Variants in DMD observed in about 807,000 individuals in gnomAD.
DMD encodes the protein mutant dystrophin.
In DMD, 63 loss-of-function variants were observed where a neutral mutation model predicts 330.1. The ratio of observed to expected loss-of-function variants is 0.19; its 90% CI spans 0.16 to 0.24. DMD has a LOEUF of 0.24. DMD is among the 10% of genes least tolerant of loss of function. DMD has a pLI of 1.00. For missense variants in DMD, 3,344 were observed against 2,684.1 expected (o/e 1.25, Z -5.43); for synonymous variants, 1,223 against 959.8 (o/e 1.27, Z -5.07).
intron 9 of DMD, among the ~76,000 whole-genome samples, chrX:32,662,679 C>T (rs2061023205): frequency 1.8e-5 from 2 of 111,726 alleles, no homozygotes; most frequent in Admixed American, 1.9e-4. Context: ...TACAGATTAT[C>T]TGGAGGTGTT....
intron 7 of DMD, among the ~76,000 whole-genome samples, chrX:32,773,835 T>C (rs1366226357): frequency 8.9e-6 from 1 of 112,119 alleles, no homozygotes; most frequent in African/African-American, 3.2e-5. Context: ...ATCTGGCATC[T>C]GATCTATTCC....
rs1276636837 is a variant in DMD at position 32,441,281 on chromosome X, A to C, written c.3820T>G (p.Tyr1274Asp). 1 of 1,209,166 alleles carries C rather than the reference A, an allele frequency of 8.3e-7. No individual in the cohort carries two copies. The change falls in exon 28 of 79, where the codon TAC (tyrosine) becomes GAC (aspartate). Residue 1274 changes from tyrosine to aspartate, a missense_variant. Coordinates refer to ENST00000357033, the MANE Select transcript of DMD (RefSeq NM_004006.3). Reference sequence around the variant, plus strand: ...AGCCACTTGTTTGCTTTCTCCAAGTATGACAATAACTCATGCCAACATGCC... The same window carrying C: ...AGCCACTTGTTTGCTTTCTCCAAGTCTGACAATAACTCATGCCAACATGCC... Reference protein sequence around the residue: ...VWACWHELLSYLEKANKWLNE... With the variant: ...VWACWHELLSDLEKANKWLNE...
At chrX:31,492,436 T>C (rs2069395462) in intron 57 of DMD, among the ~76,000 whole-genome samples, 1 of 112,193 alleles carries the variant, frequency 8.9e-6, no homozygotes, top group Non-Finnish European at 1.9e-5. Context: ...AACAGGCTAC[T>C]AAACTGTTCT....
At chrX:31,746,117 C>G (rs1034323608) in intron 51 of DMD, among the ~76,000 whole-genome samples, 2 of 112,176 alleles carry the variant, frequency 1.8e-5, no homozygotes, top group Non-Finnish European at 1.9e-5. Context: ...AACCTTTTCA[C>G]GTTTTAAAAA....
intron 55 of DMD, among the ~76,000 whole-genome samples, chrX:31,509,155 C>T (rs1446807225): frequency 2.7e-5 from 3 of 111,174 alleles, no homozygotes; most frequent in African/African-American, 6.5e-5. Context: ...AAGGATATAG[C>T]CTGATTTTGA....
intron 37 of DMD, among the ~76,000 whole-genome samples, chrX:32,349,144 C>A (rs1475280175): frequency 1.8e-5 from 2 of 111,455 alleles, no homozygotes; most frequent in Non-Finnish European, 3.8e-5. Flanking sequence ...TGCTTTTCAA[C>A]CTTGTAAACA....
chrX:33,020,032 G>A (rs914275820), intron 2 of DMD, 107 bp downstream of exon 2: 3 of 558,229 alleles, frequency 5.4e-6, no homozygotes, highest in Non-Finnish European at 8.6e-6. Context: ...AAAATAAAAT[G>A]ACACTATGAG....
chrX:31,656,868 T>A (rs1222966757), intron 54 of DMD, among the ~76,000 whole-genome samples: 1 of 111,567 alleles, frequency 9.0e-6, no homozygotes, highest in Non-Finnish European at 1.9e-5. Context: ...GTCTTTTCCA[T>A]CTATACACCT....
chrX:32,082,307 TA>T (rs2096397491), intron 44 of DMD, among the ~76,000 whole-genome samples: 1 of 111,104 alleles, frequency 9.0e-6, no homozygotes, highest in Admixed American at 9.6e-5. Context: ...CAGCTCACCA[TA>T]GACTTGACCT....
chrX:33,265,378 TA>T (rs2053026533), intron 1 of DMD, among the ~76,000 whole-genome samples: 1 of 111,342 alleles, frequency 9.0e-6, no homozygotes, highest in African/African-American at 3.3e-5. Flanking sequence ...TTTATTTATT[TA>T]TTTTTTTGCT....
intron 44 of DMD, among the ~76,000 whole-genome samples, chrX:32,129,715 G>C (rs1032028495): frequency 1.0e-4 from 5 of 49,784 alleles, no homozygotes; most frequent in African/African-American, 2.9e-4. Flanking sequence ...TGGAGAGAGA[G>C]AGAGAGAGGG....
At chrX:31,163,552 G>T (rs1372371030) in intron 74 of DMD, among the ~76,000 whole-genome samples, 1 of 111,974 alleles carries the variant, frequency 8.9e-6, no homozygotes, top group African/African-American at 3.2e-5. Flanking sequence ...AAACATGTGG[G>T]AACAGCCGTA....
intron 47 of DMD, among the ~76,000 whole-genome samples, chrX:31,926,499 C>A (rs1327562307): frequency 1.8e-5 from 2 of 109,925 alleles, no homozygotes; most frequent in African/African-American, 6.6e-5. Flanking sequence ...ACATGGCGAA[C>A]CCTCCATCTC....
At chrX:32,020,606 C>T (rs926189267) in intron 44 of DMD, among the ~76,000 whole-genome samples, 1 of 111,776 alleles carries the variant, frequency 8.9e-6, no homozygotes, top group African/African-American at 3.3e-5. Context: ...AAGGAGAAGG[C>T]GGCTATCTGC....
At chrX:32,410,452 C>T (rs914449809) in intron 30 of DMD, among the ~76,000 whole-genome samples, 8 of 112,091 alleles carry the variant, frequency 7.1e-5, no homozygotes, top group Non-Finnish European at 1.5e-4. Context: ...ATTGTGTATA[C>T]TGTTGCCCAG....
chrX:31,247,503 G>A (rs1448865985), intron 63 of DMD, among the ~76,000 whole-genome samples: 2 of 108,844 alleles, frequency 1.8e-5, no homozygotes, highest in Admixed American at 9.9e-5. Context: ...GGGAAGCTGA[G>A]GCAGAAGAAT....
intron 55 of DMD, among the ~76,000 whole-genome samples, chrX:31,509,334 C>G (rs962513845): frequency 1.6e-4 from 18 of 111,857 alleles, no homozygotes; most frequent in African/African-American, 4.5e-4. Context: ...GTTAATTTAT[C>G]TAAGTACTTC....
intron 12 of DMD, among the ~76,000 whole-genome samples, chrX:32,602,494 T>C (rs753363141): frequency 5.4e-5 from 6 of 111,592 alleles, no homozygotes; most frequent in Non-Finnish European, 1.1e-4. Context: ...TGCTATGCAT[T>C]GTGCTGCTAA....
At chrX:32,653,196 C>T (rs1043837227) in intron 9 of DMD, among the ~76,000 whole-genome samples, 1 of 112,031 alleles carries the variant, frequency 8.9e-6, no homozygotes, top group Admixed American at 9.5e-5. Flanking sequence ...ACTCTTGTTG[C>T]CATTGCTTTT....
Sources: gnomAD v4.1 joint callset for allele counts (sites outside exome capture counted in the v4.1 genomes callset) on GRCh38, gnomAD v4.1.1 for gene constraint, MANE v1.5 for transcripts, NCBI Gene and HGNC (gene_info 2026-07-23, HGNC 2026-07-21) for gene names.